Variants in TMEM106B observed in about 807,000 individuals in gnomAD.
TMEM106B encodes the protein transmembrane protein 106B.
In TMEM106B, 15 loss-of-function variants were observed where a neutral mutation model predicts 31.1. The ratio of observed to expected loss-of-function variants is 0.48; its 90% CI spans 0.32 to 0.74. The LOEUF (loss-of-function observed/expected upper bound fraction) is 0.74. Ranked by LOEUF, TMEM106B falls within the 30% of genes least tolerant of loss-of-function variation. TMEM106B has a pLI of 0.03. For missense variants in TMEM106B, 283 were observed against 327.3 expected, an observed-to-expected ratio of 0.86 and a Z score of 1.04; for synonymous variants, 126 against 112.5, an observed-to-expected ratio of 1.12 and a Z score of -0.76.
chr7:12,228,974 C>G (rs773521264), intron 4 of TMEM106B, among the ~76,000 whole-genome samples: 88 of 151,870 alleles, frequency 5.8e-4, no homozygotes, highest in Non-Finnish European at 1.2e-3. Flanking sequence ...TTTTTCTTTT[C>G]AATTTGTAAG....
At chr7:12,231,360 A>C in intron 7 of TMEM106B, 1 of 392,760 alleles carries the variant, frequency 2.5e-6, no homozygotes. Flanking sequence ...GAAAATGGAA[A>C]GGATACAGGG....
chr7:12,223,962 G>A (rs575934760), intron 3 of TMEM106B, among the ~76,000 whole-genome samples: 228 of 151,912 alleles, frequency 1.5e-3, no homozygotes, highest in Non-Finnish European at 2.4e-3. Flanking sequence ...CTCTTGATAC[G>A]CCCGCCTCAG....
At chr7:12,227,447 A>G (rs1018223472) in intron 4 of TMEM106B, among the ~76,000 whole-genome samples, 1 of 152,082 alleles carries the variant, frequency 6.6e-6, no homozygotes, top group Non-Finnish European at 1.5e-5. Context: ...AAATGTAATC[A>G]TTCTCATGTG....
Position 12,242,381 on chromosome 7 carries a change from A to G in TMEM106B, c.*10406A>G. On this transcript the variant is annotated 3_prime_UTR_variant, in exon 8 of 8. Coordinates refer to ENST00000396668, the MANE Select transcript of TMEM106B (RefSeq NM_001134232.2). The stretch of plus-strand genomic sequence containing the variant: ...GGCGACAGAGCGAGACTCCGTCTCA[A>G]AAAAAAAAAAAAAAAAAAAAAAAAA... 2.8e-5 allele frequency: 1 copy of G among 35,094 alleles called. No homozygotes were observed. The highest frequency in any genetic ancestry group is 2.9e-4 in the African/African-American group (1 of 3,422). 2.2% of individuals were successfully genotyped at this position (35,094 alleles called of 1,614,324 possible).
chr7:12,224,404 G>GA lies in TMEM106B; in HGVS notation c.441+24dup. 2 of 1,582,962 alleles carry GA rather than the reference G, an allele frequency of 1.3e-6. No individual in the cohort carries two copies. The highest frequency in any genetic ancestry group is 1.7e-6 in the Non-Finnish European group (2 of 1,155,654). On this transcript the variant is annotated intron_variant, in intron 4 of 7. Coordinates refer to ENST00000396668, the MANE Select transcript of TMEM106B (RefSeq NM_001134232.2). ...TATCACAGTGAGTATAAATTTATATGAAAAATGTTTAACTTCATTCTTTTA... is the reference window on the plus strand; with the variant it reads ...TATCACAGTGAGTATAAATTTATATGAAAAAATGTTTAACTTCATTCTTTTA...
At position 12,233,077 on chromosome 7, in the gene TMEM106B, T is replaced by C. The variant is rs559852203; in HGVS notation, c.*1102T>C. On this transcript the variant is annotated 3_prime_UTR_variant, in exon 8 of 8. Transcript: ENST00000396668. ...ATGATGGTGGCCAAAATAAAACCTA[T>C]TTAGAAATTTAATCACTTTGCACAT... 1 of 151,934 alleles carries C rather than the reference T, an allele frequency of 6.6e-6. No homozygotes were observed. The highest frequency in any genetic ancestry group is 1.9e-4 in the East Asian group (1 of 5,178). 9.4% of individuals were successfully genotyped at this position (151,934 alleles called of 1,614,324 possible). A position where few individuals can be genotyped will look rare whatever the true frequency, so the allele number is the denominator to read the frequency against.
rs918551739 is a variant in TMEM106B, at chr7:12,243,176, A to G, written c.*11201A>G. ...CATGATTCAAGAAGAGGAGGCCATT[A>G]CATTACTGTTGTATTAAAAAGTCAG... On this transcript the variant is annotated 3_prime_UTR_variant, in exon 8 of 8. Coordinates refer to ENST00000396668, the MANE Select transcript of TMEM106B (RefSeq NM_001134232.2). 1.3e-5 allele frequency: 2 copies of G among 152,132 alleles called. No individual in the cohort carries two copies. The highest frequency in any genetic ancestry group is 2.4e-5 in the African/African-American group (1 of 41,462). The allele number at this position is 152,132 out of a possible 1,614,324, so 9.4% of individuals were successfully genotyped here.
chr7:12,231,866 A>T lies in TMEM106B; in HGVS notation c.716A>T (p.His239Leu). ...QVTVTTTYFG[H>L]SEQISQERYQ... ...ACTGTGACAACAACATACTTTGGCC[A>T]CTCTGAACAGATATCCCAGGAGAGG... Residue 239 changes from histidine (H) to leucine (L), a missense_variant, in exon 8 of 8, where the codon CAC (histidine) becomes CTC (leucine). Physicochemically the swap from His to Leu is moderately conservative, Grantham distance 99. Around this residue, in one of 3 missense-constraint regions of TMEM106B, gnomAD observed 201 missense variants for 211.5 expected, o/e 0.95. Transcript: ENST00000396668. The T allele has an allele frequency of 6.2e-7, 1 of 1,607,614 alleles. No homozygotes were observed. The highest frequency in any genetic ancestry group is 8.5e-7 in the Non-Finnish European group (1 of 1,175,596).
At chr7:12,225,661 A>G (rs140918518) in intron 4 of TMEM106B, among the ~76,000 whole-genome samples, 1,701 of 152,238 alleles carry the variant, frequency 0.011, 40 homozygotes, top group African/African-American at 0.038. Flanking sequence ...GGCTGCATAA[A>G]TGTCTTCTTT....
At chr7:12,224,789 G>A (rs1160199310) in intron 4 of TMEM106B, among the ~76,000 whole-genome samples, 6 of 151,590 alleles carry the variant, frequency 4.0e-5, no homozygotes, top group African/African-American at 1.2e-4. Flanking sequence ...ACGTTTAATA[G>A]ACCATTCCTT....
At chr7:12,211,901 C>T (rs918559884) in intron 1 of TMEM106B, among the ~76,000 whole-genome samples, 1 of 152,206 alleles carries the variant, frequency 6.6e-6, no homozygotes, top group Non-Finnish European at 1.5e-5. Flanking sequence ...TCTCTCCAAA[C>T]TGAGTCTGAT....
chr7:12,225,848 C>G (rs1583455585), intron 4 of TMEM106B, among the ~76,000 whole-genome samples: 1 of 152,278 alleles, frequency 6.6e-6, no homozygotes, highest in East Asian at 1.9e-4. Context: ...TATGCAGAAG[C>G]TTTTTACTTT....
Position 12,235,714 on chromosome 7 carries a change from T to TA in TMEM106B, c.*3741dup, listed in dbSNP as rs1782118780. 1 of 151,814 alleles carries TA rather than the reference T, an allele frequency of 6.6e-6. No individual in the cohort carries two copies. Among genetic ancestry groups the TA allele is most frequent in the Non-Finnish European group, 1.5e-5 (1 of 67,818 alleles). The allele number at this position is 151,814 out of a possible 1,614,324, so 9.4% of individuals were successfully genotyped here. A position where few individuals can be genotyped will look rare whatever the true frequency, so the allele number is the denominator to read the frequency against. On this transcript the variant is annotated 3_prime_UTR_variant, in exon 8 of 8. Coordinates refer to ENST00000396668, the MANE Select transcript of TMEM106B (RefSeq NM_001134232.2). ...TTCTTAGAATAAACAGTTCTTTATATAATAATTATATTTTATTTAAGAAAA... is the reference window on the plus strand; with the variant it reads ...TTCTTAGAATAAACAGTTCTTTATATAAATAATTATATTTTATTTAAGAAAA...
intron 4 of TMEM106B, among the ~76,000 whole-genome samples, chr7:12,229,097 TTTTA>T (rs753559843): frequency 1.3e-5 from 2 of 152,170 alleles, no homozygotes; most frequent in African/African-American, 4.8e-5. Context: ...GTTACAGATC[TTTTA>T]TATATCTGTT....
At chr7:12,227,068 A>G (rs1319001855) in intron 4 of TMEM106B, among the ~76,000 whole-genome samples, 3 of 152,072 alleles carry the variant, frequency 2.0e-5, no homozygotes, top group African/African-American at 2.4e-5. Context: ...TGAATATCAT[A>G]CTCTATTTTA....
At chr7:12,215,706 C>T (rs1379424711) in intron 2 of TMEM106B, 3 of 249,192 alleles carry the variant, frequency 1.2e-5, no homozygotes, top group Non-Finnish European at 2.7e-5. Flanking sequence ...CTGTGAGCCA[C>T]CACGCCTGGC....
At chr7:12,216,023 T>C (rs543402392) in intron 2 of TMEM106B, among the ~76,000 whole-genome samples, 2 of 152,286 alleles carry the variant, frequency 1.3e-5, no homozygotes, top group African/African-American at 4.8e-5. Context: ...GGTCAAAGTA[T>C]AAAGTATACT....
chr7:12,229,878 A>T (rs544928898), intron 5 of TMEM106B, 59 bp downstream of exon 5: 31 of 1,515,912 alleles, frequency 2.0e-5, no homozygotes, highest in Non-Finnish European at 2.6e-5. Flanking sequence ...TTTGTATATC[A>T]TATAACTTGA....
intron 4 of TMEM106B, 76 bp downstream of exon 4, chr7:12,224,461 G>C (rs1039425599): frequency 1.6e-6 from 2 of 1,263,272 alleles, no homozygotes; most frequent in East Asian, 4.9e-5. Context: ...TCCCCATTGA[G>C]AAGAGATGTT....
Sources: allele counts gnomAD v4.1 joint callset (sites outside exome capture counted in the v4.1 genomes callset), GRCh38; gene constraint gnomAD v4.1.1; regional missense constraint gnomAD v4.1.1; transcripts MANE v1.5; gene names NCBI Gene and HGNC (gene_info 2026-07-23, HGNC 2026-07-21).